Variants in ARHGEF9 observed in about 807,000 individuals in gnomAD.
ARHGEF9 encodes the protein Cdc42 guanine nucleotide exchange factor 9, also known as rho guanine nucleotide exchange factor 9.
A neutral mutation model predicts 41.3 loss-of-function variants in ARHGEF9; 2 were observed. The ratio of observed to expected loss-of-function variants is 0.05; its 90% CI spans 0.02 to 0.15. ARHGEF9 has a LOEUF of 0.15. ARHGEF9 is among the 10% of genes least tolerant of loss of function. The pLI is 1.00. For synonymous variants in ARHGEF9, 160 were observed against 154.4 expected (o/e 1.04, Z -0.27); for missense variants, 225 against 424.7 (o/e 0.53, Z 4.13).
chrX:63,727,028 G>C (rs1556417474), intron 1 of ARHGEF9, among the ~76,000 whole-genome samples: 1 of 111,823 alleles, frequency 8.9e-6, no homozygotes, highest in African/African-American at 3.3e-5. Flanking sequence ...TTTTTATAGA[G>C]AAGTCTCCCC....
intron 1 of ARHGEF9, among the ~76,000 whole-genome samples, chrX:63,737,836 C>T (rs1556424138): frequency 9.0e-6 from 1 of 111,664 alleles, no homozygotes; most frequent in African/African-American, 3.3e-5. Flanking sequence ...AGGAAGTTAC[C>T]CAGCTATCCC....
In ARHGEF9 at chrX:63,635,251, C is replaced by T; in HGVS notation, c.*2777G>A. 2.8e-6 allele frequency: 1 copy of T among 363,033 alleles called. No individual in the cohort carries two copies. The highest frequency in any genetic ancestry group is 5.2e-6 in the Non-Finnish European group (1 of 193,244). 29.9% of individuals were successfully genotyped at this position (363,033 alleles called of 1,213,427 possible). A position where few individuals can be genotyped will look rare whatever the true frequency, so the allele number is the denominator to read the frequency against. On this transcript the variant is annotated 3_prime_UTR_variant, in exon 10 of 10. Transcript: ENST00000671741. ...TTGTTAGAACTCTCTTGTTGCTGTT[C>T]TTATAGATCCATTAGAAATATACAC... is the stretch of plus-strand genomic sequence containing the variant.
At chrX:63,674,673 T>C (rs1358324510) in intron 5 of ARHGEF9, among the ~76,000 whole-genome samples, 1 of 111,800 alleles carries the variant, frequency 8.9e-6, no homozygotes, top group African/African-American at 3.3e-5. Flanking sequence ...TGAGTCTGCT[T>C]TCATCTTCTC....
At chrX:63,640,424 T>A (rs2047550535) in intron 9 of ARHGEF9, 1 of 111,729 alleles carries the variant, frequency 9.0e-6, no homozygotes, top group South Asian at 3.8e-4. Flanking sequence ...TTTATTCTTT[T>A]TCGAGATCAT....
intron 1 of ARHGEF9, among the ~76,000 whole-genome samples, chrX:63,769,880 T>C (rs1473111413): frequency 8.9e-6 from 1 of 112,445 alleles, no homozygotes; most frequent in East Asian, 2.8e-4. Context: ...AAAAGTTTGC[T>C]GTGGGAGGGG....
chrX:63,764,577 C>A (rs1220264289), intron 1 of ARHGEF9, among the ~76,000 whole-genome samples: 1 of 112,313 alleles, frequency 8.9e-6, no homozygotes, highest in Non-Finnish European at 1.9e-5. Context: ...CCCAAATGCC[C>A]ATCAATGATA....
Position 63,678,329 on chromosome X carries a change from C to T in ARHGEF9, c.815+11G>A, listed in dbSNP as rs782246143. The T allele has an allele frequency of 5.9e-6, 7 of 1,183,913 alleles. No homozygotes were observed. The highest frequency in any genetic ancestry group is 3.0e-5 in the East Asian group (1 of 32,955). On this transcript the variant is annotated intron_variant, in intron 5 of 9. Transcript: ENST00000671741. The stretch of plus-strand genomic sequence containing the variant: ...TTCCCTCATTCACTCCTGACTCCCT[C>T]GATCCCTTACCTGTGGTCTTGGGCA...
At chrX:63,682,693 T>C (rs1424008839) in intron 4 of ARHGEF9, among the ~76,000 whole-genome samples, 8 of 111,896 alleles carry the variant, frequency 7.1e-5, no homozygotes, top group Non-Finnish European at 1.3e-4. Context: ...AAATCAATTA[T>C]TATGATACAT....
intron 7 of ARHGEF9, among the ~76,000 whole-genome samples, chrX:63,662,811 C>T (rs1180477473): frequency 8.9e-6 from 1 of 111,820 alleles, no homozygotes; most frequent in Non-Finnish European, 1.9e-5. Flanking sequence ...TTCATTAATA[C>T]TTTATTGTTG....
At chrX:63,657,524 AT>A (rs1292156477) in intron 7 of ARHGEF9, 3 of 111,889 alleles carry the variant, frequency 2.7e-5, no homozygotes, top group Non-Finnish European at 5.6e-5. Context: ...TCCCATAATG[AT>A]TGTTCATATA....
intron 2 of ARHGEF9, among the ~76,000 whole-genome samples, chrX:63,718,604 C>T (rs2053462908): frequency 8.9e-6 from 1 of 111,886 alleles, no homozygotes; most frequent in Non-Finnish European, 1.9e-5. Flanking sequence ...ACAATAGGGC[C>T]TTGGAAAGCC....
intron 1 of ARHGEF9, among the ~76,000 whole-genome samples, chrX:63,738,919 G>A (rs1461745164): frequency 1.8e-5 from 2 of 111,240 alleles, no homozygotes; most frequent in Non-Finnish European, 3.8e-5. Context: ...CAGGAAATCT[G>A]ACTGAACACG....
rs781912258 is a variant in ARHGEF9, at chrX:63,751,843, C to A, written c.31-27132G>T. On this transcript the variant is annotated intron_variant, in intron 1 of 9. Transcript: ENST00000671741. ...CCACACTCAGGAGTGTGCTCCCCCC[C>A]ACACACCCCCATGAACATACTGCCA... Among the ~76,000 whole-genome samples the A allele has an allele frequency of 8.2e-5, 9 of 110,333 alleles. No homozygotes were observed. In the East Asian group the frequency reaches 2.0e-3, roughly 25 times the overall value.
intron 7 of ARHGEF9, among the ~76,000 whole-genome samples, chrX:63,664,647 G>A (rs1466414232): frequency 4.5e-5 from 5 of 112,124 alleles, no homozygotes; most frequent in Non-Finnish European, 7.5e-5. Context: ...GTTTGGCTGA[G>A]TTTCAGATTC....
At chrX:63,710,890 C>T (rs1416682759) in intron 2 of ARHGEF9, among the ~76,000 whole-genome samples, 1 of 110,636 alleles carries the variant, frequency 9.0e-6, no homozygotes, top group East Asian at 2.8e-4. Flanking sequence ...GTAAAACTAT[C>T]TCTAGTCACA....
In ARHGEF9 at chrX:63,754,408, A is replaced by AT. The variant is rs373743708; in HGVS notation, c.31-29698dup. ...CTCTCTTTCCCTGTCTCTGTCTGTG[A>AT]TTTTTTTTTTTTCTCGGTGGCTCTC... On this transcript the variant is annotated intron_variant, in intron 1 of 9. Transcript: ENST00000671741. The AT allele has an allele frequency of 0.049, 31,130 of 638,663 alleles. 174 individuals carry two copies. Among genetic ancestry groups the AT allele is most frequent in the African/African-American group, 0.14 (5,648 of 41,670 alleles). 52.6% of individuals were successfully genotyped at this position (638,663 alleles called of 1,213,427 possible).
At chrX:63,673,050 T>C (rs1313727429) in intron 6 of ARHGEF9, among the ~76,000 whole-genome samples, 4 of 112,070 alleles carry the variant, frequency 3.6e-5, no homozygotes, top group African/African-American at 1.3e-4. Flanking sequence ...CTGATCAGAA[T>C]TGTGGTCTTT....
intron 1 of ARHGEF9, among the ~76,000 whole-genome samples, chrX:63,765,148 G>T (rs1399715213): frequency 2.7e-5 from 3 of 110,827 alleles, no homozygotes; most frequent in Non-Finnish European, 5.7e-5. Context: ...TAAGTTTCAG[G>T]AAATGAGTCC....
At chrX:63,731,943 C>T (rs1405853834) in intron 1 of ARHGEF9, 4 of 111,772 alleles carry the variant, frequency 3.6e-5, no homozygotes, top group Non-Finnish European at 7.5e-5. Context: ...TGGTATTCTA[C>T]TGAGGCTAAC....
Sources: gnomAD v4.1 joint callset for allele counts (sites outside exome capture counted in the v4.1 genomes callset) on GRCh38, gnomAD v4.1.1 for gene constraint, MANE v1.5 for transcripts, NCBI Gene and HGNC (gene_info 2026-07-23, HGNC 2026-07-21) for gene names.